The following KCNIP4 variants were observed in gnomAD, a reference collection of about 807,000 sequenced individuals.
The protein encoded by KCNIP4 is Kv channel-interacting protein 4.
In KCNIP4, 12 loss-of-function variants were observed where a neutral mutation model predicts 34.0. The observed-to-expected ratio is 0.35, with a 90% CI of 0.23 to 0.57. KCNIP4 has a LOEUF of 0.57. Ranked by LOEUF, KCNIP4 falls within the 20% of genes least tolerant of loss-of-function variation. The pLI is 0.83. For synonymous variants in KCNIP4, 124 were observed against 102.2 expected, an observed-to-expected ratio of 1.21 and a Z score of -1.29; for missense variants, 238 against 311.7, an observed-to-expected ratio of 0.76 and a Z score of 1.78.
intron 1 of KCNIP4, among the ~76,000 whole-genome samples, chr4:21,679,399 A>G (rs1750165265): frequency 6.6e-6 from 1 of 152,216 alleles, no homozygotes; most frequent in African/African-American, 2.4e-5. Flanking sequence ...AGCAAAGGAT[A>G]GGTACTTAAT....
intron 1 of KCNIP4, among the ~76,000 whole-genome samples, chr4:21,739,380 A>G (rs954368986): frequency 1.4e-4 from 22 of 152,196 alleles, no homozygotes; most frequent in African/African-American, 4.6e-4. Context: ...CCTAAAAGCT[A>G]TCTTCAGGAT....
intron 3 of KCNIP4, among the ~76,000 whole-genome samples, chr4:20,804,964 A>G (rs1393606433): frequency 6.6e-6 from 1 of 152,040 alleles, no homozygotes; most frequent in African/African-American, 2.4e-5. Context: ...GTTTCTTCTA[A>G]TGGCAGGAGC....
At chr4:20,955,165 C>A (rs766002755) in intron 1 of KCNIP4, among the ~76,000 whole-genome samples, 7 of 152,172 alleles carry the variant, frequency 4.6e-5, no homozygotes, top group African/African-American at 1.7e-4. Context: ...TTACTAGAAG[C>A]CTCACCTGCA....
At chr4:21,828,629 A>G (rs1722807316) in intron 1 of KCNIP4, among the ~76,000 whole-genome samples, 1 of 151,996 alleles carries the variant, frequency 6.6e-6, no homozygotes, top group Non-Finnish European at 1.5e-5. Context: ...GAAAAGAAAG[A>G]ACAGGTCGCT....
intron 1 of KCNIP4, among the ~76,000 whole-genome samples, chr4:21,005,980 G>T (rs886419201): frequency 6.6e-6 from 1 of 152,118 alleles, no homozygotes; most frequent in Non-Finnish European, 1.5e-5. Flanking sequence ...CGCACCTCAT[G>T]CCCTTAAAAG....
At chr4:20,887,484 G>A (rs981391702) in intron 1 of KCNIP4, among the ~76,000 whole-genome samples, 1 of 151,796 alleles carries the variant, frequency 6.6e-6, no homozygotes, top group East Asian at 1.9e-4. Flanking sequence ...ATGAAAAAAG[G>A]CTTTAAAATG....
rs114862156 is a variant in KCNIP4 at position 21,717,682 on chromosome 4, A to G, written c.61+230889T>C. ...TTCTTATTTTTCTTTACTGGGTTGA[A>G]CTGATCAGACTTTGCACATATTAGC... On this transcript the variant is annotated intron_variant, in intron 1 of 8. Coordinates refer to ENST00000382152, the MANE Select transcript of KCNIP4 (RefSeq NM_025221.6). 9.4e-4 allele frequency among the ~76,000 whole-genome samples: 143 copies of G among 152,214 alleles called. 1 individual carries two copies. The highest frequency in any genetic ancestry group is 3.2e-3 in the African/African-American group (133 of 41,548).
intron 1 of KCNIP4, among the ~76,000 whole-genome samples, chr4:21,676,678 T>C (rs372982590): frequency 1.8e-4 from 27 of 152,304 alleles, no homozygotes; most frequent in African/African-American, 6.5e-4. Flanking sequence ...TTAATGAGAT[T>C]TTAGTCTATC....
chr4:21,419,038 C>T (rs1030350245), intron 1 of KCNIP4, among the ~76,000 whole-genome samples: 13 of 152,134 alleles, frequency 8.5e-5, no homozygotes, highest in Admixed American at 2.0e-4. Context: ...TATGTAGGGC[C>T]TTCTACTCGG....
At chr4:21,913,306 C>T (rs1393829486) in intron 1 of KCNIP4, among the ~76,000 whole-genome samples, 1 of 151,720 alleles carries the variant, frequency 6.6e-6, no homozygotes, top group Non-Finnish European at 1.5e-5. Flanking sequence ...TACAACTGCA[C>T]TCCAGCCTGG....
chr4:20,918,097 C>T (rs942553023), intron 1 of KCNIP4, among the ~76,000 whole-genome samples: 6 of 151,976 alleles, frequency 3.9e-5, no homozygotes, highest in Admixed American at 1.3e-4. Context: ...TACAGTGGGA[C>T]GAATGATTCA....
At chr4:21,844,362 A>C (rs543596011) in intron 1 of KCNIP4, 2 of 152,186 alleles carry the variant, frequency 1.3e-5, no homozygotes, top group African/African-American at 4.8e-5. Flanking sequence ...AATATAATAC[A>C]TGGGTAGAAT....
At chr4:21,402,178 A>G (rs1435719108) in intron 1 of KCNIP4, among the ~76,000 whole-genome samples, 2 of 152,198 alleles carry the variant, frequency 1.3e-5, no homozygotes, top group African/African-American at 4.8e-5. Flanking sequence ...GTCTTCTTCA[A>G]ATTCACTGGC....
intron 1 of KCNIP4, among the ~76,000 whole-genome samples, chr4:20,988,023 T>TATATATATA (rs1033781557): frequency 1.2e-5 from 1 of 83,630 alleles, no homozygotes; most frequent in African/African-American, 5.4e-5. Context: ...AAAAAAAAAA[T>TATATATATA]TATAGATATT....
intron 1 of KCNIP4, among the ~76,000 whole-genome samples, chr4:21,350,285 T>G (rs1420866741): frequency 6.6e-6 from 1 of 151,982 alleles, no homozygotes; most frequent in Non-Finnish European, 1.5e-5. Context: ...AATGAAGGAG[T>G]AGAGATGATT....
intron 1 of KCNIP4, among the ~76,000 whole-genome samples, chr4:21,603,698 TAA>T (rs556634917): frequency 1.3e-5 from 2 of 148,680 alleles, no homozygotes; most frequent in Admixed American, 6.7e-5. Context: ...GTAGCAATGA[TAA>T]AAAAAAAAAT....
intron 1 of KCNIP4, among the ~76,000 whole-genome samples, chr4:21,538,303 A>C (rs1173525379): frequency 1.3e-5 from 2 of 152,130 alleles, no homozygotes; most frequent in Non-Finnish European, 2.9e-5. Flanking sequence ...AGTTTGTGAT[A>C]CTTTGTTATG....
intron 1 of KCNIP4, among the ~76,000 whole-genome samples, chr4:21,311,783 A>G (rs1713215864): frequency 6.6e-6 from 1 of 152,228 alleles, no homozygotes; most frequent in Admixed American, 6.5e-5. Context: ...GAAACATTTC[A>G]CAAGATGAAC....
intron 3 of KCNIP4, among the ~76,000 whole-genome samples, chr4:20,827,496 A>T (rs1263921108): frequency 6.6e-6 from 1 of 152,112 alleles, no homozygotes; most frequent in African/African-American, 2.4e-5. Flanking sequence ...ATTTAACTTA[A>T]ATGTCTCTTT....
Sources: gnomAD v4.1 joint callset for allele counts (sites outside exome capture counted in the v4.1 genomes callset) on GRCh38, gnomAD v4.1.1 for gene constraint, MANE v1.5 for transcripts, NCBI Gene and HGNC (gene_info 2026-07-23, HGNC 2026-07-21) for gene names.